The following CCDC3 variants were observed in gnomAD, a reference collection of about 807,000 sequenced individuals.
CCDC3 encodes coiled-coil domain-containing protein 3.
CCDC3 carries 24 observed loss-of-function variants against 21.4 expected under a neutral mutation model. That is an observed-to-expected ratio of 1.12 (90% CI 0.81 to 1.58). The LOEUF is 1.58. Among genes scored for constraint, CCDC3 ranks in the 40% most tolerant of loss-of-function variants. The pLI, the probability that CCDC3 is intolerant of heterozygous loss-of-function variation, is 0.00. For missense variants in CCDC3, 425 were observed against 360.9 expected (o/e 1.18, Z -1.44); for synonymous variants, 186 against 166.0 (o/e 1.12, Z -0.93).
intron 5 of CCDC3, among the ~76,000 whole-genome samples, chr10:13,028,400 T>A (rs1229851017): frequency 6.6e-6 from 1 of 152,178 alleles, no homozygotes; most frequent in African/African-American, 2.4e-5. Context: ...AATCACCCAA[T>A]CTTGGGTATG....
chr10:13,004,877 A>C (rs905319804), upstream of CCDC3, among the ~76,000 whole-genome samples: 8 of 152,156 alleles, frequency 5.3e-5, no homozygotes, highest in African/African-American at 1.9e-4. Context: ...TGCCCACCTA[A>C]TCACTAAGAA....
At position 12,928,825 on chromosome 10, in the gene CCDC3, G is replaced by A. The variant is rs147344277; in HGVS notation, c.550-30146C>T. Among the ~76,000 whole-genome samples the A allele has an allele frequency of 2.2e-3, 332 of 152,278 alleles. 2 individuals are homozygous for A. Among genetic ancestry groups the A allele is most frequent in the African/African-American group, 7.5e-3 (312 of 41,550 alleles). ...CCTGTTCCAGCATCTCTCCAAAGAC[G>A]CTCAGGTCTCCGTCACAGGATCACC... On this transcript the variant is annotated intron_variant, in intron 2 of 2. Transcript: ENST00000378825.
chr10:12,906,569 T>A (rs1383287262), intron 2 of CCDC3, among the ~76,000 whole-genome samples: 1 of 152,162 alleles, frequency 6.6e-6, no homozygotes, highest in Non-Finnish European at 1.5e-5. Context: ...GACTGAATTC[T>A]GGCTTAAACG....
chr10:12,918,046 G>A (rs1384223310), intron 2 of CCDC3, among the ~76,000 whole-genome samples: 1 of 152,124 alleles, frequency 6.6e-6, no homozygotes, highest in Non-Finnish European at 1.5e-5. Flanking sequence ...GGTATGAAGG[G>A]AGTATATAAA....
At chr10:12,982,531 C>T (rs1835515233) in intron 2 of CCDC3, among the ~76,000 whole-genome samples, 1 of 151,830 alleles carries the variant, frequency 6.6e-6, no homozygotes, top group Non-Finnish European at 1.5e-5. Context: ...CAGTGGCTCA[C>T]ACCAGTAATC....
chr10:12,965,531 G>C (rs1237580536), intron 2 of CCDC3, among the ~76,000 whole-genome samples: 1 of 152,172 alleles, frequency 6.6e-6, no homozygotes, highest in African/African-American at 2.4e-5. Flanking sequence ...ATGATTGTTA[G>C]ATTTTTGAGT....
chr10:12,909,956 G>A (rs1439677195), intron 2 of CCDC3, among the ~76,000 whole-genome samples: 1 of 152,194 alleles, frequency 6.6e-6, no homozygotes, highest in Non-Finnish European at 1.5e-5. Context: ...TGTATCCTCA[G>A]TACTGGCTGA....
chr10:12,897,856 G>A lies in CCDC3; in HGVS notation c.*560C>T, dbSNP rs966206078. 1.3e-5 allele frequency: 2 copies of A among 152,866 alleles called. No homozygotes were observed. Among genetic ancestry groups the A allele is most frequent in the African/African-American group, 4.8e-5 (2 of 41,446 alleles). 9.5% of individuals were successfully genotyped at this position (152,866 alleles called of 1,614,324 possible). On this transcript the variant is annotated 3_prime_UTR_variant, in exon 3 of 3. Coordinates refer to ENST00000378825, the MANE Select transcript of CCDC3 (RefSeq NM_031455.4). ...GCTTATGAAGTCTTCACCTGCCTCA[G>A]CTGGAAGGAAAATGCTGGCTGGATA...
chr10:13,082,275 GGTCACAT>G (rs1837050511), intron 3 of CCDC3, among the ~76,000 whole-genome samples: 1 of 152,206 alleles, frequency 6.6e-6, no homozygotes, highest in African/African-American at 2.4e-5. Context: ...AGGTCACGTG[GGTCACAT>G]GTCCACTGGA....
At chr10:13,005,543 C>T (rs938019689), upstream of CCDC3, among the ~76,000 whole-genome samples, 4 of 152,198 alleles carry the variant, frequency 2.6e-5, no homozygotes, top group African/African-American at 9.7e-5. Context: ...TCAATCTCTA[C>T]CACAGCCTAG....
chr10:12,942,059 G>A (rs1226846698), intron 2 of CCDC3, among the ~76,000 whole-genome samples: 1 of 152,148 alleles, frequency 6.6e-6, no homozygotes, highest in Non-Finnish European at 1.5e-5. Flanking sequence ...AGAAGTCTAT[G>A]CTCTATGCCT....
intron 5 of CCDC3, among the ~76,000 whole-genome samples, chr10:13,012,513 C>A (rs186653164): frequency 1.3e-5 from 2 of 151,812 alleles, no homozygotes; most frequent in Non-Finnish European, 2.9e-5. Flanking sequence ...GTCTGAATGG[C>A]TATTATTTAA....
At chr10:12,961,738 C>T (rs1835181206) in intron 2 of CCDC3, among the ~76,000 whole-genome samples, 1 of 152,148 alleles carries the variant, frequency 6.6e-6, no homozygotes, top group East Asian at 1.9e-4. Context: ...GAGGGTCTCC[C>T]ACCCCTAAGT....
intron 2 of CCDC3, among the ~76,000 whole-genome samples, chr10:12,983,469 G>A (rs1047308402): frequency 6.6e-6 from 1 of 151,600 alleles, no homozygotes; most frequent in Non-Finnish European, 1.5e-5. Context: ...TACTCAGGAG[G>A]CTGAGGCAGG....
chr10:12,948,422 T>C (rs1052616271), intron 2 of CCDC3, among the ~76,000 whole-genome samples: 7 of 151,926 alleles, frequency 4.6e-5, no homozygotes, highest in African/African-American at 7.3e-5. Context: ...GCATGTGTGA[T>C]ATCATGGTGA....
chr10:12,951,543 C>G (rs181046720), intron 2 of CCDC3, among the ~76,000 whole-genome samples: 1 of 152,032 alleles, frequency 6.6e-6, no homozygotes, highest in Non-Finnish European at 1.5e-5. Context: ...CTGTGGCTCA[C>G]GCCTGTAATC....
At chr10:13,085,695 A>G (rs183725751) in intron 3 of CCDC3, among the ~76,000 whole-genome samples, 1 of 152,222 alleles carries the variant, frequency 6.6e-6, no homozygotes, top group Admixed American at 6.5e-5. Flanking sequence ...GGCCAGGTGC[A>G]GTGGCTCATG....
chr10:12,903,830 C>T (rs1834129241), intron 2 of CCDC3, among the ~76,000 whole-genome samples: 1 of 148,366 alleles, frequency 6.7e-6, no homozygotes, highest in Non-Finnish European at 1.5e-5. Flanking sequence ...TTTTTAAAAC[C>T]ATCAAAGCAC....
chr10:13,060,861 A>T (rs1001528820), intron 4 of CCDC3, among the ~76,000 whole-genome samples: 1 of 152,152 alleles, frequency 6.6e-6, no homozygotes, highest in Non-Finnish European at 1.5e-5. Flanking sequence ...TGACAATAAA[A>T]ATATCATTTG....
Sources: gnomAD v4.1 joint callset for allele counts (sites outside exome capture counted in the v4.1 genomes callset) on GRCh38, gnomAD v4.1.1 for gene constraint, MANE v1.5 for transcripts, NCBI Gene and HGNC (gene_info 2026-07-23, HGNC 2026-07-21) for gene names.